The following AFF3 variants were observed in gnomAD, a reference collection of about 807,000 sequenced individuals.
The protein encoded by AFF3 is ALF transcription elongation factor 3, also known as AF4/FMR2 family member 3.
Under a neutral mutation model 129.7 loss-of-function variants are expected in AFF3, and 32 were observed. The ratio of observed to expected loss-of-function variants is 0.25; its 90% CI spans 0.19 to 0.33. The LOEUF is 0.33. Ranked by LOEUF, AFF3 falls within the 10% of genes least tolerant of loss-of-function variation. The pLI is 1.00. For missense variants in AFF3, 1,373 were observed against 1,592.0 expected (o/e 0.86, Z 2.34); for synonymous variants, 644 against 635.4 (o/e 1.01, Z -0.20).
At chr2:99,685,202 A>G (rs2104593518) in intron 11 of AFF3, among the ~76,000 whole-genome samples, 1 of 152,236 alleles carries the variant, frequency 6.6e-6, no homozygotes, top group East Asian at 1.9e-4. Context: ...CAGACTCCCA[A>G]AGTGCTGGGA....
chr2:99,599,379 C>T (rs1679598966), intron 14 of AFF3, among the ~76,000 whole-genome samples: 2 of 152,184 alleles, frequency 1.3e-5, no homozygotes, highest in Admixed American at 1.3e-4. Context: ...CTGCCTCAGG[C>T]TCCTGAGGAG....
At chr2:99,551,983 G>C (rs1674452666) in intron 24 of AFF3, among the ~76,000 whole-genome samples, 1 of 152,162 alleles carries the variant, frequency 6.6e-6, no homozygotes, top group Non-Finnish European at 1.5e-5. Context: ...TGAGTCCAAG[G>C]GGTGAGGCTC....
chr2:99,694,024 C>T (rs1403984178), intron 11 of AFF3, among the ~76,000 whole-genome samples: 1 of 151,782 alleles, frequency 6.6e-6, no homozygotes, highest in Non-Finnish European at 1.5e-5. Flanking sequence ...TTCAAGTGAT[C>T]CTCCTGCCTC....
intron 8 of AFF3, among the ~76,000 whole-genome samples, chr2:99,809,559 T>C (rs1686629988): frequency 6.6e-6 from 1 of 152,232 alleles, no homozygotes; most frequent in African/African-American, 2.4e-5. Context: ...ACTAAGCCTG[T>C]CTGTCCTCAG....
intron 7 of AFF3, among the ~76,000 whole-genome samples, chr2:99,858,896 T>C (rs756330601): frequency 6.6e-5 from 10 of 152,272 alleles, no homozygotes; most frequent in Admixed American, 3.9e-4. Context: ...CCCCTGAACT[T>C]AAAAGTTAAA....
chr2:99,925,568 G>C (rs1371506074), intron 7 of AFF3, among the ~76,000 whole-genome samples: 2 of 152,184 alleles, frequency 1.3e-5, no homozygotes, highest in Non-Finnish European at 2.9e-5. Context: ...TCTGCCATGA[G>C]TCTTAGGCAG....
At chr2:99,824,740 T>C (rs1385028967) in intron 8 of AFF3, among the ~76,000 whole-genome samples, 1 of 152,172 alleles carries the variant, frequency 6.6e-6, no homozygotes, top group Non-Finnish European at 1.5e-5. Flanking sequence ...TGAGCTGTCA[T>C]CAGAAACTGA....
intron 3 of AFF3, 41 bp downstream of exon 3, chr2:100,105,463 G>C (rs1691216636): frequency 7.6e-7 from 1 of 1,323,826 alleles, no homozygotes; most frequent in Non-Finnish European, 1.0e-6. Flanking sequence ...CCTCTAGCTG[G>C]CCAGCCCTGG....
chr2:99,569,597 C>T (rs767200177), intron 18 of AFF3, among the ~76,000 whole-genome samples: 4 of 152,102 alleles, frequency 2.6e-5, no homozygotes, highest in South Asian at 2.1e-4. Context: ...CCCTGGCCAG[C>T]GGTGACTCTG....
At chr2:99,668,893 G>T (rs555849061) in intron 12 of AFF3, among the ~76,000 whole-genome samples, 4 of 152,228 alleles carry the variant, frequency 2.6e-5, no homozygotes, top group Non-Finnish European at 5.9e-5. Flanking sequence ...TAATCTTTTT[G>T]AGAAAAGGGC....
At chr2:99,593,057 A>AAC in intron 15 of AFF3, 138 bp downstream of exon 15, 1 of 868,344 alleles carries the variant, frequency 1.2e-6, no homozygotes, top group Admixed American at 2.9e-5. Flanking sequence ...AGTGTGTGTT[A>AAC]GGTAAGGACA....
rs570176751 is a variant in AFF3 at position 99,851,596 on chromosome 2, C to T, written c.874-14072G>A. 4.6e-5 allele frequency among the ~76,000 whole-genome samples: 7 copies of T among 152,314 alleles called. No individual in the cohort carries two copies. The East Asian group carries it at 5.8e-4, about 13-fold the overall frequency. ...TAAACCCATAATACAAAGACCCTCA[C>T]TTTTTAGATCCTTTTGTAATTCTGG... On this transcript the variant is annotated intron_variant, in intron 7 of 24. Transcript: ENST00000672756.
chr2:99,758,585 C>CAAA (rs5832882), intron 8 of AFF3, among the ~76,000 whole-genome samples: 25 of 103,066 alleles, frequency 2.4e-4, no homozygotes, highest in South Asian at 3.9e-4. Context: ...GACTCCATCT[C>CAAA]AAAAAAAAAA....
intron 13 of AFF3, among the ~76,000 whole-genome samples, chr2:99,643,691 T>C (rs915006284): frequency 6.6e-6 from 1 of 152,108 alleles, no homozygotes; most frequent in African/African-American, 2.4e-5. Flanking sequence ...GTCAGGAAGA[T>C]GAAGCTGAAT....
At chr2:99,753,099 T>C (rs1172829557) in intron 8 of AFF3, among the ~76,000 whole-genome samples, 1 of 152,012 alleles carries the variant, frequency 6.6e-6, no homozygotes, top group Non-Finnish European at 1.5e-5. Flanking sequence ...ACCCTATTAT[T>C]ATTATTATTA....
At chr2:99,621,672 C>T (rs553415799) in intron 13 of AFF3, among the ~76,000 whole-genome samples, 6 of 152,282 alleles carry the variant, frequency 3.9e-5, no homozygotes, top group Non-Finnish European at 5.9e-5. Flanking sequence ...GTATGTCAAG[C>T]GCTCAATGCG....
At chr2:99,586,581 C>G (rs1678141063) in intron 16 of AFF3, among the ~76,000 whole-genome samples, 1 of 152,176 alleles carries the variant, frequency 6.6e-6, no homozygotes, top group South Asian at 2.1e-4. Context: ...CTACTTGTTT[C>G]TAATAAATAC....
chr2:99,913,023 A>C (rs987288140), intron 7 of AFF3, among the ~76,000 whole-genome samples: 12 of 152,132 alleles, frequency 7.9e-5, no homozygotes, highest in Non-Finnish European at 1.8e-4. Context: ...CAGAGCCTAG[A>C]CTCACAAGCC....
chr2:100,016,632 GTGA>G (rs1177107317), intron 4 of AFF3, among the ~76,000 whole-genome samples: 1 of 149,664 alleles, frequency 6.7e-6, no homozygotes, highest in Admixed American at 6.6e-5. Context: ...GGTGGTGGTG[GTGA>G]TGGTGGTGGT....
Sources: allele counts gnomAD v4.1 joint callset (sites outside exome capture counted in the v4.1 genomes callset), GRCh38; gene constraint gnomAD v4.1.1; transcripts MANE v1.5; gene names NCBI Gene and HGNC (gene_info 2026-07-23, HGNC 2026-07-21).